KIAA0232: variants seen among roughly 807,000 people sequenced by gnomAD.
KIAA0232 encodes uncharacterized protein KIAA0232.
In KIAA0232, 27 loss-of-function variants were observed where a neutral mutation model predicts 122.0. The ratio of observed to expected loss-of-function variants is 0.22; its 90% CI spans 0.16 to 0.31. The LOEUF (loss-of-function observed/expected upper bound fraction) is 0.31. Ranked by LOEUF, KIAA0232 falls within the 10% of genes least tolerant of loss-of-function variation. The pLI, the probability that KIAA0232 is intolerant of heterozygous loss-of-function variation, is 1.00. For synonymous variants in KIAA0232, 613 were observed against 587.6 expected (o/e 1.04, Z -0.63); for missense variants, 1,551 against 1,634.2 (o/e 0.95, Z 0.88).
At chr4:6,788,192 A>G (rs1716720158) in intron 1 of KIAA0232, among the ~76,000 whole-genome samples, 1 of 151,898 alleles carries the variant, frequency 6.6e-6, no homozygotes, top group African/African-American at 2.4e-5. Flanking sequence ...CGCCTGGCTA[A>G]TTTTTTGTAG....
At chr4:6,802,497 T>G (rs1210797633) in intron 1 of KIAA0232, among the ~76,000 whole-genome samples, 1 of 152,070 alleles carries the variant, frequency 6.6e-6, no homozygotes, top group Non-Finnish European at 1.5e-5. Context: ...TCTGGAGAAA[T>G]ATGGGGTAAG....
chr4:6,785,292 A>C (rs911687767), intron 1 of KIAA0232, among the ~76,000 whole-genome samples: 5 of 152,038 alleles, frequency 3.3e-5, no homozygotes, highest in Non-Finnish European at 5.9e-5. Flanking sequence ...TAGCTAGCCT[A>C]CTCTGTGCTA....
chr4:6,817,257 T>C (rs530371544), intron 2 of KIAA0232, among the ~76,000 whole-genome samples: 42 of 152,290 alleles, frequency 2.8e-4, no homozygotes, highest in African/African-American at 8.2e-4. Context: ...GTTCAAAATA[T>C]AGTACTTCCT....
intron 3 of KIAA0232, among the ~76,000 whole-genome samples, chr4:6,833,712 C>G (rs1019296865): frequency 6.6e-6 from 1 of 152,152 alleles, no homozygotes; most frequent in African/African-American, 2.4e-5. Context: ...CCAGTATTCA[C>G]TTTGACTCCC....
Position 6,862,780 on chromosome 4 carries a change from A to G in KIAA0232, c.2398A>G (p.Thr800Ala). Reference protein sequence around the residue: ...SVCGIQLEQKTENKNFETTQV... With the variant: ...SVCGIQLEQKAENKNFETTQV... The stretch of plus-strand genomic sequence containing the variant: ...CTGTGGTATTCAGCTAGAACAAAAA[A>G]CAGAAAACAAAAATTTTGAAACTAC... The change falls in exon 7 of 10, where the codon ACA becomes GCA. Residue 800 changes from threonine (T) to alanine (A), a missense_variant. Thr to Ala is a moderately conservative substitution (Grantham distance 58, BLOSUM62 0). Around this residue, in one of 5 missense-constraint regions of KIAA0232, gnomAD observed 1,108 missense variants for 1,154.8 expected, o/e 0.96. Coordinates refer to ENST00000307659, the MANE Select transcript of KIAA0232 (RefSeq NM_014743.3). 1 of 1,614,142 alleles carries G rather than the reference A, an allele frequency of 6.2e-7. No homozygotes were observed. Among genetic ancestry groups the G allele is most frequent in the African/African-American group, 1.3e-5 (1 of 75,066 alleles).
chr4:6,875,210 A>G (rs547697380), intron 8 of KIAA0232, among the ~76,000 whole-genome samples: 55 of 152,378 alleles, frequency 3.6e-4, no homozygotes, highest in African/African-American at 1.2e-3. Flanking sequence ...AGCAGCGGTC[A>G]TGGGTGCAAT....
At chr4:6,797,169 C>T (rs1717166827) in intron 1 of KIAA0232, among the ~76,000 whole-genome samples, 1 of 152,084 alleles carries the variant, frequency 6.6e-6, no homozygotes, top group Non-Finnish European at 1.5e-5. Flanking sequence ...CAGTTTTTTC[C>T]AAAGCCATGA....
intron 7 of KIAA0232, among the ~76,000 whole-genome samples, chr4:6,868,743 A>G (rs1211012942): frequency 1.3e-5 from 2 of 152,218 alleles, no homozygotes; most frequent in Non-Finnish European, 1.5e-5. Flanking sequence ...TATTAGATGA[A>G]TATAGCATGA....
intron 1 of KIAA0232, among the ~76,000 whole-genome samples, chr4:6,797,835 G>T (rs1307504953): frequency 1.3e-5 from 2 of 151,888 alleles, no homozygotes; most frequent in Non-Finnish European, 2.9e-5. Context: ...ACCTTGGGAG[G>T]CCGAGGCGGG....
intron 1 of KIAA0232, among the ~76,000 whole-genome samples, chr4:6,786,156 G>A (rs1056895880): frequency 3.3e-5 from 5 of 152,170 alleles, no homozygotes; most frequent in African/African-American, 1.2e-4. Flanking sequence ...TTGCTCAGGC[G>A]TTTAAACATA....
At chr4:6,811,575 T>C (rs1717879122) in intron 2 of KIAA0232, among the ~76,000 whole-genome samples, 1 of 152,058 alleles carries the variant, frequency 6.6e-6, no homozygotes, top group Non-Finnish European at 1.5e-5. Context: ...CCTGAGTAGC[T>C]GGGACTCCAA....
intron 1 of KIAA0232, among the ~76,000 whole-genome samples, chr4:6,794,085 G>C (rs189961456): frequency 6.6e-6 from 1 of 152,322 alleles, no homozygotes; most frequent in African/African-American, 2.4e-5. Flanking sequence ...AGGGTAAGGC[G>C]AGAGGAAGCA....
intron 1 of KIAA0232, among the ~76,000 whole-genome samples, chr4:6,795,449 G>A (rs1717091601): frequency 6.6e-6 from 1 of 152,158 alleles, no homozygotes; most frequent in South Asian, 2.1e-4. Flanking sequence ...AGATGCCAAA[G>A]ACAGTGTGAA....
intron 2 of KIAA0232, among the ~76,000 whole-genome samples, chr4:6,813,707 G>A (rs888354121): frequency 6.6e-6 from 1 of 152,016 alleles, no homozygotes. Flanking sequence ...ACCATTTGGG[G>A]TTTATTATAT....
At chr4:6,869,753 C>CA (rs1197774436) in intron 7 of KIAA0232, among the ~76,000 whole-genome samples, 3 of 152,226 alleles carry the variant, frequency 2.0e-5, no homozygotes, top group African/African-American at 7.2e-5. Flanking sequence ...AGTTACATAA[C>CA]AGACACTCAT....
chr4:6,845,643 A>G (rs1719915107), intron 4 of KIAA0232, among the ~76,000 whole-genome samples: 2 of 151,998 alleles, frequency 1.3e-5, no homozygotes, highest in Non-Finnish European at 2.9e-5. Context: ...TTTGAGCAAA[A>G]TCCAAAGAAG....
At chr4:6,849,577 C>T (rs1335545390) in intron 4 of KIAA0232, among the ~76,000 whole-genome samples, 1 of 152,164 alleles carries the variant, frequency 6.6e-6, no homozygotes, top group Non-Finnish European at 1.5e-5. Context: ...GATCGTGCCA[C>T]TGCACTGCAG....
chr4:6,852,181 A>C (rs1174915394), intron 4 of KIAA0232, among the ~76,000 whole-genome samples: 1 of 152,000 alleles, frequency 6.6e-6, no homozygotes, highest in Non-Finnish European at 1.5e-5. Flanking sequence ...AGACAGGCCA[A>C]TTTTTTTAGA....
At chr4:6,864,274 A>T in intron 7 of KIAA0232, 91 bp downstream of exon 7, 2 of 1,373,158 alleles carry the variant, frequency 1.5e-6, no homozygotes, top group Non-Finnish European at 2.0e-6. Flanking sequence ...ATAGGGTTAA[A>T]TTATTGGGAA....
Sources: allele counts gnomAD v4.1 joint callset (sites outside exome capture counted in the v4.1 genomes callset), GRCh38; gene constraint gnomAD v4.1.1; regional missense constraint gnomAD v4.1.1; transcripts MANE v1.5; gene names NCBI Gene and HGNC (gene_info 2026-07-23, HGNC 2026-07-21).